DPP6: variants seen among roughly 807,000 people sequenced by gnomAD.
The protein encoded by DPP6 is A-type potassium channel modulatory protein DPP6.
In DPP6, 69 loss-of-function variants were observed where a neutral mutation model predicts 122.6. The ratio of observed to expected loss-of-function variants is 0.56; its 90% confidence interval spans 0.46 to 0.69. DPP6 has a LOEUF of 0.69. DPP6 is among the 30% of genes least tolerant of loss of function. The pLI is 0.00. For missense variants in DPP6, 928 were observed against 1,116.9 expected (o/e 0.83, Z 2.41); for synonymous variants, 418 against 433.1 (o/e 0.97, Z 0.43).
intron 8 of DPP6, among the ~76,000 whole-genome samples, chr7:154,752,639 G>A (rs1212496750): frequency 6.6e-6 from 1 of 152,132 alleles, no homozygotes; most frequent in Non-Finnish European, 1.5e-5. Flanking sequence ...CTCCCTCAAG[G>A]CTTGGGTTAG....
chr7:154,137,658 T>TGGGGGGGGGGGGGGGGGGGGGGGGGGG (rs1163077821), intron 1 of DPP6, among the ~76,000 whole-genome samples: 1 of 48,384 alleles, frequency 2.1e-5, no homozygotes, highest in Non-Finnish European at 4.2e-5. Context: ...GGTGGGGGGG[T>TGGGGGGGGGGGGGGGGGGGGGGGGGGG]GGGGGGGGTG....
chr7:154,297,877 T>C (rs1178650154), intron 1 of DPP6, among the ~76,000 whole-genome samples: 1 of 152,140 alleles, frequency 6.6e-6, no homozygotes, highest in Admixed American at 6.5e-5. Flanking sequence ...CGCTGACAGA[T>C]GCTGCGACGA....
chr7:154,135,691 C>T (rs1332310019), intron 1 of DPP6, among the ~76,000 whole-genome samples: 2 of 151,836 alleles, frequency 1.3e-5, no homozygotes, highest in African/African-American at 4.8e-5. Flanking sequence ...CACAGTTCCT[C>T]TCTGTGCACT....
At chr7:153,768,993 T>C in the DPP6 span, among the ~76,000 whole-genome samples, 2 of 152,146 alleles carry the variant, frequency 1.3e-5, no homozygotes, top group Admixed American at 1.3e-4. Context: ...GCCAGTTAAA[T>C]TGGCCTTTGA....
intron 1 of DPP6, among the ~76,000 whole-genome samples, chr7:153,958,143 G>A (rs4726356): frequency 0.36 from 55,325 of 151,752 alleles, 10,770 homozygotes; most frequent in Admixed American, 0.49. Context: ...CAGCCTGGGC[G>A]ACGGAGTGAG....
chr7:153,839,840 C>T, the DPP6 span, among the ~76,000 whole-genome samples: 1 of 152,154 alleles, frequency 6.6e-6, no homozygotes, highest in Non-Finnish European at 1.5e-5. Context: ...ATTCTAGGAT[C>T]CAAAAATGTG....
chr7:154,063,015 C>G lies in DPP6; in HGVS notation c.243+9952C>G, dbSNP rs1415950681. On this transcript the variant is annotated intron_variant, in intron 1 of 25. Transcript: ENST00000377770. ...GAGCCAGTCCCTCTTCCCCCCCTGG[C>G]TCTGAGGAACCCCATCACAGGAGGG... 2.2e-5 allele frequency among the ~76,000 whole-genome samples: 3 copies of G among 135,748 alleles called. 1 individual carries two copies. The highest frequency in any genetic ancestry group is 5.3e-4 in the South Asian group (2 of 3,808). The allele number at this position is 135,748 out of a possible 152,430, so 89.1% of individuals were successfully genotyped here.
chr7:153,803,854 CATAT>C, the DPP6 span, among the ~76,000 whole-genome samples: 40 of 151,020 alleles, frequency 2.6e-4, no homozygotes, highest in African/African-American at 9.2e-4. Context: ...CACACACACA[CATAT>C]ATATATACAC....
chr7:154,726,422 G>A (rs944807997), intron 7 of DPP6, among the ~76,000 whole-genome samples: 1 of 152,220 alleles, frequency 6.6e-6, no homozygotes, highest in African/African-American at 2.4e-5. Flanking sequence ...ATACCAAGTG[G>A]AAGCCACCAA....
intron 16 of DPP6, among the ~76,000 whole-genome samples, chr7:154,846,698 A>G (rs915206267): frequency 3.3e-5 from 5 of 152,266 alleles, no homozygotes; most frequent in African/African-American, 1.2e-4. Context: ...AAATGAAAGG[A>G]AACAACCTAA....
In DPP6 at chr7:154,806,082, C is replaced by T. The variant is rs145861687; in HGVS notation, c.1548-912C>T. On this transcript the variant is annotated intron_variant, in intron 15 of 25. Coordinates refer to ENST00000377770, the MANE Select transcript of DPP6 (RefSeq NM_130797.4). ...TGAGGTCAGCATGAGGGAGCCAGTC[C>T]GTGTAGATGTTCCATCGTCACCATG... Among the ~76,000 whole-genome samples the T allele has an allele frequency of 7.9e-3, 1,205 of 152,286 alleles. 4 individuals are homozygous for T. Among genetic ancestry groups the T allele is most frequent in the Non-Finnish European group, 0.013 (875 of 68,018 alleles).
rs945037101 is a variant in DPP6, at chr7:154,486,290, C to T, written c.457+11253C>T. On this transcript the variant is annotated intron_variant, in intron 3 of 25. Transcript: ENST00000377770. This position sits in a 1 kb window ranked among gnomAD's most constrained non-coding sequence, Gnocchi z 4.5. ...CTGGGACTACAGGTGTGTGCCACCA[C>T]GCCCAGCTAATTTTTGTATTTTTAG... is the stretch of plus-strand genomic sequence containing the variant. 3.9e-5 allele frequency among the ~76,000 whole-genome samples: 6 copies of T among 152,060 alleles called. No homozygotes were observed. Among genetic ancestry groups the T allele is most frequent in the African/African-American group, 1.4e-4 (6 of 41,406 alleles).
chr7:153,775,075 C>A, the DPP6 span, among the ~76,000 whole-genome samples: 2 of 148,616 alleles, frequency 1.3e-5, no homozygotes, highest in African/African-American at 5.0e-5. Flanking sequence ...TAATGTAATA[C>A]CAGAAACAGG....
intron 1 of DPP6, among the ~76,000 whole-genome samples, chr7:154,298,050 C>T (rs1267018775): frequency 6.6e-6 from 1 of 152,108 alleles, no homozygotes; most frequent in African/African-American, 2.4e-5. Flanking sequence ...AGCAGGTCCC[C>T]CTCTACCATG....
intron 1 of DPP6, among the ~76,000 whole-genome samples, chr7:154,355,023 G>T (rs1359705105): frequency 6.6e-6 from 1 of 152,186 alleles, no homozygotes; most frequent in East Asian, 1.9e-4. Context: ...CTTGGGAGGG[G>T]TGAGGCTGTT....
intron 8 of DPP6, among the ~76,000 whole-genome samples, chr7:154,763,616 T>C (rs1311110573): frequency 6.6e-6 from 1 of 152,152 alleles, no homozygotes; most frequent in Non-Finnish European, 1.5e-5. Context: ...CCTCCCACCT[T>C]GGCCTTTCCT....
chr7:154,339,545 C>T (rs1013383210), intron 1 of DPP6, among the ~76,000 whole-genome samples: 29 of 152,186 alleles, frequency 1.9e-4, no homozygotes, highest in African/African-American at 7.0e-4. Flanking sequence ...CATAAAAGCT[C>T]ATTTGAACTC....
At chr7:154,019,779 T>C (rs1167178916) in intron 1 of DPP6, among the ~76,000 whole-genome samples, 1 of 152,246 alleles carries the variant, frequency 6.6e-6, no homozygotes, top group African/African-American at 2.4e-5. Context: ...AAATTAGTTC[T>C]TCTGCACTTA....
At chr7:154,425,082 TA>T (rs1266349673) in intron 1 of DPP6, among the ~76,000 whole-genome samples, 4 of 152,218 alleles carry the variant, frequency 2.6e-5, no homozygotes, top group African/African-American at 9.7e-5. Context: ...GTCAGACGGA[TA>T]ACTTATTCTT....
Sources: gnomAD v4.1 joint callset for allele counts (sites outside exome capture counted in the v4.1 genomes callset) on GRCh38, gnomAD v4.1.1 for gene constraint, Gnocchi (gnomAD v3.1) non-coding constraint, MANE v1.5 for transcripts, NCBI Gene and HGNC (gene_info 2026-07-23, HGNC 2026-07-21) for gene names.